The following ACCS variants were observed in gnomAD, a reference collection of about 807,000 sequenced individuals.
The protein encoded by ACCS is 1-aminocyclopropane-1-carboxylate synthase-like protein 1.
Under a neutral mutation model 59.8 loss-of-function variants are expected in ACCS, and 42 were observed. That is an observed-to-expected ratio of 0.70 (90% confidence interval 0.55 to 0.91). ACCS has a LOEUF of 0.91. Ranked by LOEUF, ACCS falls within the 40% of genes least tolerant of loss-of-function variation. The pLI, the probability that ACCS is intolerant of heterozygous loss-of-function variation, is 0.00. For missense variants in ACCS, 602 were observed against 630.4 expected, an observed-to-expected ratio of 0.95 and a Z score of 0.48; for synonymous variants, 230 against 240.3, an observed-to-expected ratio of 0.96 and a Z score of 0.40.
chr11:44,083,164 A>C lies in ACCS; in HGVS notation c.1112-5A>C. ...TTGATCTTCTGGCCTCTTTCACCCAAACAGACTGGATCAACCAGGTGTACC... is the reference window on the plus strand; with the variant it reads ...TTGATCTTCTGGCCTCTTTCACCCACACAGACTGGATCAACCAGGTGTACC... On this transcript the variant is annotated splice_polypyrimidine_tract_variant and splice_region_variant and intron_variant, in intron 12 of 14. Coordinates refer to ENST00000263776, the MANE Select transcript of ACCS (RefSeq NM_032592.4). 6.2e-7 allele frequency: 1 copy of C among 1,613,594 alleles called. No homozygotes were observed. Among genetic ancestry groups the C allele is most frequent in the Non-Finnish European group, 8.5e-7 (1 of 1,179,672 alleles).
At chr11:44,082,387 C>T (rs938076890) in intron 12 of ACCS, among the ~76,000 whole-genome samples, 1 of 152,234 alleles carries the variant, frequency 6.6e-6, no homozygotes, top group Non-Finnish European at 1.5e-5. Flanking sequence ...CCCAAATGTC[C>T]TTCCACAGAT....
chr11:44,078,070 C>T, intron 8 of ACCS, 148 bp downstream of exon 8: 1 of 1,079,748 alleles, frequency 9.3e-7, no homozygotes, highest in African/African-American at 1.6e-5. Context: ...CAGAATTATT[C>T]TGGGAGTCAG....
At chr11:44,080,869 C>A in intron 10 of ACCS, 151 bp from the exon 11 acceptor site, 2 of 885,308 alleles carry the variant, frequency 2.3e-6, no homozygotes, top group South Asian at 1.6e-5. Context: ...CTAAAGGATG[C>A]ATGGGAATGG....
Position 44,066,368 on chromosome 11 carries a change from TC to T in ACCS, c.-331del, listed in dbSNP as rs1952797150. The T allele has an allele frequency of 1.3e-5, 2 of 152,132 alleles. No individual in the cohort carries two copies. The highest frequency in any genetic ancestry group is 2.9e-5 in the Non-Finnish European group (2 of 68,056). 9.4% of individuals were successfully genotyped at this position (152,132 alleles called of 1,614,324 possible). ...TGCAGAGGAGGAAGCCGTTCAGGCC[TC>T]CCTCTGTGCACTTTGCAAAAGCCTC... On this transcript the variant is annotated 5_prime_UTR_variant, in exon 1 of 15. It removes the in-frame stop codon of an upstream open reading frame in the 5' UTR. Coordinates refer to ENST00000263776, the MANE Select transcript of ACCS (RefSeq NM_032592.4).
rs549507826 is a variant in ACCS, at chr11:44,069,362, G to A, written c.288+1447G>A. On this transcript the variant is annotated intron_variant, in intron 2 of 14. Transcript: ENST00000263776. ...TTCCTGAGTAGCTGGGATTACAGGTGTGTGCCACTATGCCCAGCTAATTTT... is the reference window on the plus strand; with the variant it reads ...TTCCTGAGTAGCTGGGATTACAGGTATGTGCCACTATGCCCAGCTAATTTT... 2.1e-3 allele frequency among the ~76,000 whole-genome samples: 321 copies of A among 152,236 alleles called. 1 individual carries two copies. The highest frequency in any genetic ancestry group is 7.6e-3 in the African/African-American group (315 of 41,540).
At position 44,083,983 on chromosome 11, in the gene ACCS, C is replaced by G; in HGVS notation, c.*191C>G. The G allele has an allele frequency of 7.9e-7, 1 of 1,260,880 alleles. No homozygotes were observed. The highest frequency in any genetic ancestry group is 1.1e-6 in the Non-Finnish European group (1 of 943,572). The allele number at this position is 1,260,880 out of a possible 1,614,324, so 78.1% of individuals were successfully genotyped here. ...TCCTTAAGCTGTGGTTCAGCCTGGG[C>G]CCTCCCTCTCTCCTATTAAACAAAA... On this transcript the variant is annotated 3_prime_UTR_variant, in exon 15 of 15. Coordinates refer to ENST00000263776, the MANE Select transcript of ACCS (RefSeq NM_032592.4).
intron 10 of ACCS, 87 bp from the exon 11 acceptor site, chr11:44,080,933 C>G (rs1953608790): frequency 6.5e-7 from 1 of 1,528,458 alleles, no homozygotes; most frequent in African/African-American, 1.4e-5. Context: ...CTAGATTCAA[C>G]CACCCATCTC....
At chr11:44,072,625 A>G (rs1384607829) in intron 3 of ACCS, among the ~76,000 whole-genome samples, 1 of 152,222 alleles carries the variant, frequency 6.6e-6, no homozygotes, top group African/African-American at 2.4e-5. Context: ...ATTTAGCCCA[A>G]TATATTCAAA....
At chr11:44,078,341 C>A in intron 8 of ACCS, 1 of 310,414 alleles carries the variant, frequency 3.2e-6, no homozygotes. Context: ...TGGTTCCTTT[C>A]CAGCCTACTT....
chr11:44,077,511 A>G, intron 7 of ACCS, 135 bp downstream of exon 7: 1 of 1,480,938 alleles, frequency 6.8e-7, no homozygotes, highest in Non-Finnish European at 8.9e-7. Context: ...CTGTTGCTGC[A>G]TGGCTGCCTG....
chr11:44,078,909 T>C (rs987968095), intron 9 of ACCS, 125 bp downstream of exon 9: 99 of 726,548 alleles, frequency 1.4e-4, no homozygotes, highest in Middle Eastern at 7.0e-4. Flanking sequence ...GGCCCTTCCT[T>C]GGCAGTGGAG....
At chr11:44,077,058 A>G (rs1953397692) in intron 6 of ACCS, among the ~76,000 whole-genome samples, 1 of 152,198 alleles carries the variant, frequency 6.6e-6, no homozygotes, top group Non-Finnish European at 1.5e-5. Flanking sequence ...TGGGAGCTAT[A>G]ATTCAAGATG....
At chr11:44,083,074 C>A in intron 12 of ACCS, 95 bp from the exon 13 acceptor site, 4 of 1,513,180 alleles carry the variant, frequency 2.6e-6, no homozygotes, top group East Asian at 4.6e-5. Context: ...AGCATCCTGG[C>A]AGCTTGTGGC....
At position 44,083,565 on chromosome 11, in the gene ACCS, C is replaced by T. The variant is rs1590520696; in HGVS notation, c.1396C>T (p.Arg466Trp). 15 of 1,614,244 alleles carry T rather than the reference C, an allele frequency of 9.3e-6. No homozygotes were observed. Among genetic ancestry groups the T allele is most frequent in the East Asian group, 2.2e-5 (1 of 44,886 alleles). The part of the protein sequence containing the change: ...FRFVFSDQVH[R>W]LCLGMQRVQQ... ...CTTTGTCTTCTCAGACCAGGTCCAC[C>T]GGCTTTGCCTGGGTGAGCAGCCTGC... is the stretch of plus-strand genomic sequence containing the variant. Residue 466 changes from arginine to tryptophan, a missense_variant, in exon 14 of 15, where the codon CGG becomes TGG. Arg to Trp is a moderately radical substitution (Grantham distance 101, BLOSUM62 -3). Coordinates refer to ENST00000263776, the MANE Select transcript of ACCS (RefSeq NM_032592.4).
intron 5 of ACCS, 90 bp from the exon 6 acceptor site, chr11:44,075,436 G>C: frequency 7.1e-7 from 1 of 1,401,638 alleles, no homozygotes; most frequent in East Asian, 2.3e-5. Context: ...GCAGGGCCTG[G>C]CGCTCACTCT....
chr11:44,078,089 C>A, intron 8 of ACCS, 167 bp downstream of exon 8: 1 of 881,312 alleles, frequency 1.1e-6, no homozygotes, highest in Non-Finnish European at 1.7e-6. Flanking sequence ...AGGCAGAACC[C>A]TGCCCAGGGA....
rs1953267581 is a variant in ACCS, at chr11:44,074,802, C to T, written c.489+121C>T. Reference sequence around the variant, plus strand: ...TCTCTCTCTCTCTCTTTCTCTCCTTCCTTCCTTCTCTTTTTTTTTTTTTTA... The same window carrying T: ...TCTCTCTCTCTCTCTTTCTCTCCTTTCTTCCTTCTCTTTTTTTTTTTTTTA... On this transcript the variant is annotated intron_variant, in intron 5 of 14. Coordinates refer to ENST00000263776, the MANE Select transcript of ACCS (RefSeq NM_032592.4). 3.4e-5 allele frequency: 9 copies of T among 261,168 alleles called. No individual in the cohort carries two copies. The Admixed American group carries it at 4.1e-4, about 12-fold the overall frequency. 16.2% of individuals were successfully genotyped at this position (261,168 alleles called of 1,614,324 possible).
chr11:44,077,608 C>G lies in ACCS; in HGVS notation c.654+232C>G, dbSNP rs1179071312. ...AGCCAAGAGCCAGACCCAGAAACAG[C>G]AAGGTAGGAACAGAGCAGGGTAGAC... On this transcript the variant is annotated intron_variant, in intron 7 of 14. Transcript: ENST00000263776. 2.1e-6 allele frequency: 3 copies of G among 1,434,980 alleles called. No homozygotes were observed. In the Admixed American group the frequency reaches 8.6e-5, roughly 41 times the overall value. 88.9% of individuals were successfully genotyped at this position (1,434,980 alleles called of 1,614,324 possible).
At chr11:44,077,496 G>A in intron 7 of ACCS, 120 bp downstream of exon 7, 1 of 1,507,488 alleles carries the variant, frequency 6.6e-7, no homozygotes, top group Non-Finnish European at 8.8e-7. Context: ...AGGGAATGGA[G>A]CCTTCTGTTG....
Sources: allele counts gnomAD v4.1 joint callset (sites outside exome capture counted in the v4.1 genomes callset), GRCh38; gene constraint gnomAD v4.1.1; transcripts MANE v1.5; gene names NCBI Gene and HGNC (gene_info 2026-07-23, HGNC 2026-07-21).